The following AFG2A variants were observed in gnomAD, a reference collection of about 807,000 sequenced individuals.
AFG2A encodes ATPase family gene 2 protein homolog A.
chr4:123,020,360 G>A, the AFG2A span, among the ~76,000 whole-genome samples: 1,522 of 150,898 alleles, frequency 0.01, 37 homozygotes, highest in African/African-American at 0.035. Context: ...ATACATATAT[G>A]TGTATGTGGT....
chr4:123,232,469 A>G, the AFG2A span, among the ~76,000 whole-genome samples: 1 of 152,022 alleles, frequency 6.6e-6, no homozygotes, highest in African/African-American at 2.4e-5. Context: ...TACAGACAGA[A>G]AAGGCATTTC....
the AFG2A span, among the ~76,000 whole-genome samples, chr4:123,042,297 A>C: frequency 6.6e-6 from 1 of 152,186 alleles, no homozygotes; most frequent in East Asian, 1.9e-4. Context: ...CTTGGCTTTC[A>C]TGTGGTCATC....
chr4:123,020,115 T>C, the AFG2A span, among the ~76,000 whole-genome samples: 1 of 152,062 alleles, frequency 6.6e-6, no homozygotes, highest in Admixed American at 6.6e-5. Flanking sequence ...TGCTTTTCTT[T>C]TTTTCTTGAC....
chr4:123,031,544 A>G, the AFG2A span, among the ~76,000 whole-genome samples: 2 of 152,338 alleles, frequency 1.3e-5, no homozygotes, highest in East Asian at 1.9e-4. Flanking sequence ...TTTGTTTTCT[A>G]CAAGCTTTAA....
At chr4:123,051,862 C>T in the AFG2A span, among the ~76,000 whole-genome samples, 4 of 152,020 alleles carry the variant, frequency 2.6e-5, no homozygotes, top group Non-Finnish European at 5.9e-5. Flanking sequence ...TTGCTGCTTT[C>T]AGGATCCTTT....
the AFG2A span, among the ~76,000 whole-genome samples, chr4:123,249,321 T>A: frequency 6.6e-6 from 1 of 152,150 alleles, no homozygotes; most frequent in Non-Finnish European, 1.5e-5. Flanking sequence ...GGTGTTTAGG[T>A]GCTCCTAAGC....
the AFG2A span, among the ~76,000 whole-genome samples, chr4:123,250,924 A>G: frequency 1.6e-3 from 247 of 152,214 alleles, 1 homozygote; most frequent in African/African-American, 5.4e-3. Context: ...AAGGGTGTTT[A>G]CTCATTCAGA....
At chr4:123,049,604 C>T in the AFG2A span, among the ~76,000 whole-genome samples, 1 of 151,688 alleles carries the variant, frequency 6.6e-6, no homozygotes, top group Admixed American at 6.6e-5. Context: ...TTTAGATTTT[C>T]CCATTTGTTG....
the AFG2A span, among the ~76,000 whole-genome samples, chr4:123,021,033 T>C: frequency 6.6e-6 from 1 of 152,226 alleles, no homozygotes; most frequent in Non-Finnish European, 1.5e-5. Flanking sequence ...TACTCTTCGC[T>C]AATTTTATAA....
the AFG2A span, among the ~76,000 whole-genome samples, chr4:123,071,698 TA>T: frequency 4.6e-5 from 7 of 152,150 alleles, no homozygotes; most frequent in African/African-American, 1.5e-4. Flanking sequence ...ATCTGTATAA[TA>T]GCTGACAAAG....
the AFG2A span, among the ~76,000 whole-genome samples, chr4:123,290,672 A>G: frequency 6.6e-6 from 1 of 152,206 alleles, no homozygotes; most frequent in African/African-American, 2.4e-5. Flanking sequence ...GCAGCAGGCA[A>G]AAAGAGAGCT....
the AFG2A span, among the ~76,000 whole-genome samples, chr4:123,152,546 A>C: frequency 1.3e-5 from 2 of 152,230 alleles, no homozygotes; most frequent in Non-Finnish European, 2.9e-5. Flanking sequence ...GAGAAATGCA[A>C]ATTAAAACGA....
At chr4:123,181,476 G>C in the AFG2A span, among the ~76,000 whole-genome samples, 2 of 152,078 alleles carry the variant, frequency 1.3e-5, no homozygotes, top group Admixed American at 1.3e-4. Context: ...AGTTGGACAT[G>C]GTCACATGCA....
chr4:122,934,345 C>T, the AFG2A span: 1 of 1,614,164 alleles, frequency 6.2e-7, no homozygotes, highest in South Asian at 1.1e-5. Flanking sequence ...AAGAAGTACT[C>T]CTTATAAACC....
At chr4:123,109,403 G>A in the AFG2A span, among the ~76,000 whole-genome samples, 1 of 152,078 alleles carries the variant, frequency 6.6e-6, no homozygotes, top group Non-Finnish European at 1.5e-5. Context: ...TGGGAGAGTT[G>A]AATAGTGCTA....
chr4:122,961,651 T>C, the AFG2A span, among the ~76,000 whole-genome samples: 1 of 152,184 alleles, frequency 6.6e-6, no homozygotes, highest in East Asian at 1.9e-4. Context: ...ATTACAGGCA[T>C]GCACTACAAC....
chr4:123,072,881 A>G, the AFG2A span, among the ~76,000 whole-genome samples: 115,244 of 152,018 alleles, frequency 0.76, 47,206 homozygotes, highest in East Asian at 0.97. Context: ...ATTTATTACT[A>G]TAATATTAAC....
At chr4:122,981,530 T>C in the AFG2A span, among the ~76,000 whole-genome samples, 1 of 151,978 alleles carries the variant, frequency 6.6e-6, no homozygotes, top group Non-Finnish European at 1.5e-5. Context: ...CTTATGAATT[T>C]TAGGGTTGCT....
chr4:123,277,385 A>G, the AFG2A span, among the ~76,000 whole-genome samples: 4 of 152,126 alleles, frequency 2.6e-5, no homozygotes, highest in East Asian at 3.8e-4. Context: ...GGCTGAGACT[A>G]TGGGGGTTTT....
Sources: gnomAD v4.1 joint callset for allele counts (sites outside exome capture counted in the v4.1 genomes callset) on GRCh38, gnomAD v4.1.1 for gene constraint, MANE v1.5 for transcripts, NCBI Gene and HGNC (gene_info 2026-07-23, HGNC 2026-07-21) for gene names.